Variants in EPG5 observed in about 807,000 individuals in gnomAD.
EPG5 encodes ectopic P granules protein 5 homolog.
A neutral mutation model predicts 302.7 loss-of-function variants in EPG5; 159 were observed. The observed-to-expected ratio is 0.53, with a 90% confidence interval of 0.46 to 0.60. The LOEUF (loss-of-function observed/expected upper bound fraction) is 0.60, where lower values mean the gene tolerates loss of function less well. EPG5 is among the 20% of genes least tolerant of loss of function. The pLI, the probability that EPG5 is intolerant of heterozygous loss-of-function variation, is 0.00. For synonymous variants in EPG5, 1,158 were observed against 1,136.8 expected, an observed-to-expected ratio of 1.02 and a Z score of -0.37; for missense variants, 2,896 against 3,092.4, an observed-to-expected ratio of 0.94 and a Z score of 1.51.
At chr18:45,917,569 G>T in intron 17 of EPG5, 110 bp downstream of exon 17, 1 of 1,344,960 alleles carries the variant, frequency 7.4e-7, no homozygotes, top group Admixed American at 2.0e-5. Context: ...CCCATAATAC[G>T]CTGTTGAAAT....
In EPG5 at chr18:45,955,063, C is replaced by T. The variant is rs748481509; in HGVS notation, c.339G>A (p.Val113=). 1.2e-6 allele frequency: 2 copies of T among 1,614,000 alleles called. No individual in the cohort carries two copies. Among genetic ancestry groups the T allele is most frequent in the African/African-American group, 1.3e-5 (1 of 74,920 alleles). The stretch of plus-strand genomic sequence containing the variant: ...CCTTTGGAGTGACTGCACTGTCCCC[C>T]ACACAGGGTCTGGCCTCTCCCCCTT... ...PKEGGEARPC[V]GDSAVTPKVH... is the part of the protein sequence containing the mutation. Residue 113 remains valine, a synonymous_variant, in exon 2 of 44, where the codon GTG becomes GTA. Transcript: ENST00000282041.
At chr18:45,817,787 A>G in the EPG5 span, among the ~76,000 whole-genome samples, 7 of 152,354 alleles carry the variant, frequency 4.6e-5, no homozygotes, top group African/African-American at 1.7e-4. Context: ...CGTTTATGAT[A>G]TATTTCAGAA....
At chr18:45,926,887 C>T (rs1441522904) in intron 13 of EPG5, among the ~76,000 whole-genome samples, 1 of 151,756 alleles carries the variant, frequency 6.6e-6, no homozygotes, top group Non-Finnish European at 1.5e-5. Flanking sequence ...CTGAAAGAAT[C>T]ATATGATCCA....
chr18:45,922,557 T>C lies in EPG5; in HGVS notation c.2882A>G (p.Glu961Gly). The C allele has an allele frequency of 2.5e-6, 4 of 1,614,238 alleles. No individual in the cohort carries two copies. The highest frequency in any genetic ancestry group is 3.4e-6 in the Non-Finnish European group (4 of 1,180,040). ...CCAGGCCCATTGGTTAAATGAGGTC[T>C]CGGGTGTCTCTCCATATCGAACAAT... ...ASIVRYGETP[E>G]TSFNQWAWNL... Residue 961 changes from glutamate (E) to glycine (G), a missense_variant, in exon 16 of 44, where the codon GAG (glutamate) becomes GGG (glycine). Glu to Gly is a moderately conservative substitution (Grantham distance 98, BLOSUM62 -2). Coordinates refer to ENST00000282041, the MANE Select transcript of EPG5 (RefSeq NM_020964.3).
rs761506859 is a variant in EPG5 at position 45,852,479 on chromosome 18, G to C, written c.7728C>G (p.Asp2576Glu). ...NCLYPEVHYL[D>E]HIR ...GCCTCAGTGTTAACTATCGTATGTG[G>C]TCCAAATAATGCACTTCTGGATACA... The change falls in exon 44 of 44, where the codon GAC becomes GAG. Residue 2576 changes from aspartate to glutamate, a missense_variant. Physicochemically the swap from Asp to Glu is conservative, Grantham distance 45 (BLOSUM62 2). Around this residue, in one of 5 missense-constraint regions of EPG5, gnomAD observed 620 missense variants for 704.2 expected, o/e 0.88. Coordinates refer to ENST00000282041, the MANE Select transcript of EPG5 (RefSeq NM_020964.3). 1 of 1,613,810 alleles carries C rather than the reference G, an allele frequency of 6.2e-7. No individual in the cohort carries two copies. The highest frequency in any genetic ancestry group is 2.2e-5 in the East Asian group (1 of 44,890).
At chr18:45,821,306 G>A in the EPG5 span, among the ~76,000 whole-genome samples, 1 of 152,134 alleles carries the variant, frequency 6.6e-6, no homozygotes, top group Admixed American at 6.5e-5. Flanking sequence ...GCAGTGCCAA[G>A]GATATCTAAA....
chr18:45,939,679 G>A lies in EPG5; in HGVS notation c.2020C>T (p.Pro674Ser), dbSNP rs2050619374. The A allele has an allele frequency of 6.2e-7, 1 of 1,614,070 alleles. No individual in the cohort carries two copies. Among genetic ancestry groups the A allele is most frequent in the South Asian group, 1.1e-5 (1 of 91,068 alleles). The change falls in exon 10 of 44, where the codon CCC becomes TCC. Residue 674 changes from proline (P) to serine (S), a missense_variant. By Grantham distance (74) the Pro-to-Ser change is moderately conservative. Coordinates refer to ENST00000282041, the MANE Select transcript of EPG5 (RefSeq NM_020964.3). ...ACCTGTAGTTTCTCCATAGAGTAGGGCTGTTGGGCCAATCCTGAGCCTTGG... is the reference window on the plus strand; with the variant it reads ...ACCTGTAGTTTCTCCATAGAGTAGGACTGTTGGGCCAATCCTGAGCCTTGG... ...HNQGSGLAQQ[P>S]YSMEKLQVEF...
chr18:45,958,202 T>C (rs572995507), intron 1 of EPG5, among the ~76,000 whole-genome samples: 79 of 152,350 alleles, frequency 5.2e-4, no homozygotes, highest in Non-Finnish European at 5.6e-4. Flanking sequence ...TTTATTTAAA[T>C]GGAAAGACAA....
intron 8 of EPG5, 64 bp from the exon 9 acceptor site, chr18:45,943,375 T>C (rs1309847575): frequency 7.8e-6 from 11 of 1,407,202 alleles, no homozygotes; most frequent in Non-Finnish European, 1.1e-5. Flanking sequence ...AACGGATACA[T>C]CTGTATAAAT....
At chr18:45,818,048 A>G in the EPG5 span, among the ~76,000 whole-genome samples, 1 of 152,210 alleles carries the variant, frequency 6.6e-6, no homozygotes, top group Non-Finnish European at 1.5e-5. Flanking sequence ...ATCACACTAT[A>G]TAGACTATTC....
chr18:45,855,392 T>A (rs1425514252), intron 43 of EPG5, 181 bp downstream of exon 43: 4 of 543,774 alleles, frequency 7.4e-6, no homozygotes, highest in South Asian at 2.6e-5. Flanking sequence ...GACAACTGCC[T>A]ACAAAAATTT....
At chr18:45,803,232 T>G in the EPG5 span, among the ~76,000 whole-genome samples, 2 of 152,162 alleles carry the variant, frequency 1.3e-5, no homozygotes, top group Non-Finnish European at 2.9e-5. Flanking sequence ...TATGTGACAG[T>G]CAGTACAACT....
rs531562620 is a variant in EPG5 at position 45,899,201 on chromosome 18, T to C, written c.4809+203A>G. Among the ~76,000 whole-genome samples, 43 of 152,264 alleles carry C rather than the reference T, an allele frequency of 2.8e-4. No individual in the cohort carries two copies. In the South Asian group the frequency reaches 8.7e-3, roughly 31 times the overall value. ...ATTCTGATTTTTTTTTAATTCCTAT[T>C]TGAATATCTGTCTTATAGGACTCAT... On this transcript the variant is annotated intron_variant, in intron 27 of 43. Transcript: ENST00000282041.
chr18:45,883,709 T>C (rs1301843917), intron 30 of EPG5, among the ~76,000 whole-genome samples: 2 of 139,796 alleles, frequency 1.4e-5, no homozygotes, highest in African/African-American at 2.6e-5. Flanking sequence ...TCTTCATGCC[T>C]TGGCCTCCAA....
intron 1 of EPG5, among the ~76,000 whole-genome samples, chr18:45,957,572 G>A (rs933613066): frequency 6.6e-6 from 1 of 152,130 alleles, no homozygotes; most frequent in Non-Finnish European, 1.5e-5. Flanking sequence ...AAATGTTAGT[G>A]GACACATCAG....
Position 45,848,601 on chromosome 18 carries a change from A to C in EPG5, c.*3866T>G, listed in dbSNP as rs552996080. The C allele has an allele frequency of 3.9e-5, 6 of 152,408 alleles. No homozygotes were observed. The South Asian group carries it at 8.3e-4, about 21-fold the overall frequency. The allele number at this position is 152,408 out of a possible 1,614,324, so 9.4% of individuals were successfully genotyped here. A position where few individuals can be genotyped will look rare whatever the true frequency, so the allele number is the denominator to read the frequency against. On this transcript the variant is annotated 3_prime_UTR_variant, in exon 44 of 44. Transcript: ENST00000282041. ...AGGCACCACGGGGGTAAACCCAAGG[A>C]AGCACTCTCTTGGCACCTGCAAGCA...
intron 12 of EPG5, among the ~76,000 whole-genome samples, chr18:45,930,430 T>C (rs1161119147): frequency 2.0e-5 from 3 of 152,140 alleles, no homozygotes; most frequent in Non-Finnish European, 2.9e-5. Context: ...TGTCACATTG[T>C]CTCTCCCTTA....
the EPG5 span, among the ~76,000 whole-genome samples, chr18:45,839,981 G>A: frequency 6.6e-6 from 1 of 152,092 alleles, no homozygotes. Context: ...TTGTGCTCAG[G>A]GTGCTCAGAA....
Position 45,903,998 on chromosome 18 carries a change from C to T in EPG5, c.4449G>A (p.Gln1483=). ...CCAGCAAAGGATCAGTGAAGTCCAGCTGCACGGACAAACTGCAGGGTGTGG... is the reference window on the plus strand; with the variant it reads ...CCAGCAAAGGATCAGTGAAGTCCAGTTGCACGGACAAACTGCAGGGTGTGG... ...SHSTPCSLSV[Q]LDFTDPLLAK... is the part of the protein sequence containing the mutation. The change falls in exon 25 of 44, where the codon CAG becomes CAA. Residue 1483 remains glutamine (Q), a synonymous_variant. Coordinates refer to ENST00000282041, the MANE Select transcript of EPG5 (RefSeq NM_020964.3). 6.2e-7 allele frequency: 1 copy of T among 1,612,032 alleles called. No homozygotes were observed. Among genetic ancestry groups the T allele is most frequent in the South Asian group, 1.1e-5 (1 of 90,672 alleles).
Sources: allele counts gnomAD v4.1 joint callset (sites outside exome capture counted in the v4.1 genomes callset), GRCh38; gene constraint gnomAD v4.1.1; regional missense constraint gnomAD v4.1.1; transcripts MANE v1.5; gene names NCBI Gene and HGNC (gene_info 2026-07-23, HGNC 2026-07-21).